Variants in CMIP observed in about 807,000 individuals in gnomAD.
CMIP encodes C-Maf-inducing protein.
Under a neutral mutation model 97.3 loss-of-function variants are expected in CMIP, and 13 were observed. The ratio of observed to expected loss-of-function variants is 0.13; its 90% CI spans 0.09 to 0.21. The LOEUF (loss-of-function observed/expected upper bound fraction) is 0.21. Ranked by LOEUF, CMIP falls within the 10% of genes least tolerant of loss-of-function variation. The pLI, the probability that CMIP is intolerant of heterozygous loss-of-function variation, is 1.00. For missense variants in CMIP, 847 were observed against 1,024.9 expected (o/e 0.83, Z 2.37); for synonymous variants, 538 against 436.3 (o/e 1.23, Z -2.91).
chr16:81,706,273 G>A (rs1037332580), intron 19 of CMIP, among the ~76,000 whole-genome samples: 3 of 152,230 alleles, frequency 2.0e-5, no homozygotes, highest in Non-Finnish European at 4.4e-5. Context: ...AAGGCTTCCC[G>A]GGGAGGTGCT....
chr16:81,508,340 A>G, intron 1 of CMIP, among the ~76,000 whole-genome samples: 1 of 152,212 alleles, frequency 6.6e-6, no homozygotes, highest in Non-Finnish European at 1.5e-5. Context: ...AGACGCAAAT[A>G]CGTACAAATT....
At chr16:81,603,614 G>A (rs569147534) in intron 1 of CMIP, among the ~76,000 whole-genome samples, 7 of 152,098 alleles carry the variant, frequency 4.6e-5, no homozygotes, top group African/African-American at 7.2e-5. Flanking sequence ...TTTCTGTCCC[G>A]GGATCCCATC....
At chr16:81,623,924 C>G (rs4260052) in intron 3 of CMIP, among the ~76,000 whole-genome samples, 19,557 of 152,088 alleles carry the variant, frequency 0.13, 2,972 homozygotes, top group African/African-American at 0.36. Flanking sequence ...GATTTCAATC[C>G]AGATCTGTGG....
At chr16:81,668,973 C>T (rs2092644721) in intron 7 of CMIP, among the ~76,000 whole-genome samples, 1 of 146,922 alleles carries the variant, frequency 6.8e-6, no homozygotes, top group African/African-American at 2.5e-5. Flanking sequence ...CCTCACACTC[C>T]TTCCACACCC....
At chr16:81,450,245 G>T (rs1015741100) in intron 1 of CMIP, among the ~76,000 whole-genome samples, 2 of 152,226 alleles carry the variant, frequency 1.3e-5, no homozygotes, top group African/African-American at 4.8e-5. Flanking sequence ...CAGGGGGTCA[G>T]CTTACACCTT....
At chr16:81,563,936 G>A (rs867055959) in intron 1 of CMIP, among the ~76,000 whole-genome samples, 3 of 152,254 alleles carry the variant, frequency 2.0e-5, no homozygotes, top group African/African-American at 4.8e-5. Context: ...GTCTCCAGCA[G>A]CTGGTGCCTG....
At chr16:81,579,942 A>G (rs1344173807) in intron 1 of CMIP, among the ~76,000 whole-genome samples, 1 of 152,238 alleles carries the variant, frequency 6.6e-6, no homozygotes, top group Non-Finnish European at 1.5e-5. Context: ...CCTGGGCGAC[A>G]GTGCGAGACT....
intron 10 of CMIP, among the ~76,000 whole-genome samples, chr16:81,679,994 C>A (rs977370342): frequency 2.6e-5 from 4 of 152,236 alleles, no homozygotes; most frequent in African/African-American, 9.6e-5. Flanking sequence ...AAGCTCTGCC[C>A]CACTCTCAGG....
chr16:81,652,113 C>T lies in CMIP; in HGVS notation c.478-90C>T. The T allele has an allele frequency of 1.8e-6, 2 of 1,093,454 alleles. No homozygotes were observed. The highest frequency in any genetic ancestry group is 2.7e-6 in the Non-Finnish European group (2 of 735,052). 67.7% of individuals were successfully genotyped at this position (1,093,454 alleles called of 1,614,324 possible). ...TGTCAGTTTCTCAGGGCCCTTTACA[C>T]CCTAACCCATCTGATTCTTTGATTG... On this transcript the variant is annotated intron_variant, in intron 3 of 20. Transcript: ENST00000537098. This position sits in a 1 kb window ranked among gnomAD's most constrained non-coding sequence, Gnocchi z 5.2.
At position 81,678,415 on chromosome 16, in the gene CMIP, T is replaced by A. The variant is rs1288217384; in HGVS notation, c.1175T>A (p.Leu392His). The change falls in exon 10 of 21, where the codon CTC becomes CAC. Residue 392 changes from leucine (L) to histidine (H), a missense_variant. By Grantham distance (99) the Leu-to-His change is moderately conservative. Around this residue, in one of 4 missense-constraint regions of CMIP, gnomAD observed 202 missense variants for 168.7 expected, o/e 1.20. Transcript: ENST00000537098. Reference sequence around the variant, plus strand: ...GAAGCCACGCTGTCTGAGGCCCGGCTCAAGTCGGTGGTCGTGGCCTCCAGT... The same window carrying A: ...GAAGCCACGCTGTCTGAGGCCCGGCACAAGTCGGTGGTCGTGGCCTCCAGT... ...SQEATLSEAR[L>H]KSVVVASSEI... 1 of 1,599,922 alleles carries A rather than the reference T, an allele frequency of 6.3e-7. No individual in the cohort carries two copies. Among genetic ancestry groups the A allele is most frequent in the Admixed American group, 1.7e-5 (1 of 57,964 alleles).
chr16:81,672,700 C>T (rs1216401565), intron 9 of CMIP, among the ~76,000 whole-genome samples: 1 of 152,148 alleles, frequency 6.6e-6, no homozygotes, highest in Non-Finnish European at 1.5e-5. Context: ...CTCAGCCTCC[C>T]GAGTAGCTAG....
chr16:81,691,661 CACTGACT>C (rs974794347), intron 10 of CMIP, 107 bp from the exon 11 acceptor site: 4 of 787,664 alleles, frequency 5.1e-6, no homozygotes, highest in African/African-American at 3.4e-5. Context: ...AAGTCAGTGC[CACTGACT>C]ACCTGCCAGG....
intron 2 of CMIP, among the ~76,000 whole-genome samples, chr16:81,615,443 CTGTATG>C (rs1321552257): frequency 1.7e-5 from 2 of 118,288 alleles, no homozygotes; most frequent in Non-Finnish European, 3.5e-5. Flanking sequence ...ACATTTGTAA[CTGTATG>C]GTGTGTGTGT....
chr16:81,466,291 G>T (rs1012361277), intron 1 of CMIP, among the ~76,000 whole-genome samples: 2 of 152,260 alleles, frequency 1.3e-5, no homozygotes, highest in East Asian at 3.9e-4. Context: ...GAACTCCTGC[G>T]ATCAAGTGAT....
intron 1 of CMIP, among the ~76,000 whole-genome samples, chr16:81,449,896 G>T (rs1028547115): frequency 2.0e-5 from 3 of 152,232 alleles, no homozygotes; most frequent in Admixed American, 1.3e-4. Flanking sequence ...CATTTGCCTG[G>T]TGCAATCTGA....
intron 5 of CMIP, among the ~76,000 whole-genome samples, chr16:81,659,305 C>A (rs1033300382): frequency 3.3e-5 from 5 of 152,024 alleles, no homozygotes; most frequent in African/African-American, 1.2e-4. Context: ...GAGAACCTGG[C>A]AGATCAACAG....
chr16:81,696,579 G>A lies in CMIP; in HGVS notation c.1550G>A (p.Ser517Asn). ...PRQEVHSCLL[S>N]VRAGKDGWFQ... ...TGGCAGGTCCACTCATGCCTGCTGA[G>A]CGTGCGGGCCGGCAAAGATGGCTGG... The change falls in exon 14 of 21, where the codon AGC becomes AAC. Residue 517 changes from serine to asparagine, a missense_variant. Ser to Asn is a conservative substitution (Grantham distance 46, BLOSUM62 1). This residue lies in a region of CMIP where 266 missense variants were observed against 384.2 expected (regional missense o/e 0.69). Transcript: ENST00000537098. 1 of 1,605,684 alleles carries A rather than the reference G, an allele frequency of 6.2e-7. No individual in the cohort carries two copies. The highest frequency in any genetic ancestry group is 8.5e-7 in the Non-Finnish European group (1 of 1,179,790).
rs147859685 is a variant in CMIP, at chr16:81,543,622, C to G, written c.301-63945C>G. 1.0e-3 allele frequency among the ~76,000 whole-genome samples: 157 copies of G among 152,358 alleles called. 1 individual carries two copies. Among genetic ancestry groups the G allele is most frequent in the African/African-American group, 3.7e-3 (152 of 41,580 alleles). ...TTTATCTATGACCATGGGCTAGTCA[C>G]TTCCCCCCGTTCCTCAGTTTCCCCA... On this transcript the variant is annotated intron_variant, in intron 1 of 20. Transcript: ENST00000537098.
chr16:81,683,259 A>G (rs1905054427), intron 10 of CMIP, among the ~76,000 whole-genome samples: 1 of 152,202 alleles, frequency 6.6e-6, no homozygotes, highest in Non-Finnish European at 1.5e-5. Context: ...CCACAGGGGT[A>G]GGACGCGCTT....
Sources: gnomAD v4.1 joint callset for allele counts (sites outside exome capture counted in the v4.1 genomes callset) on GRCh38, gnomAD v4.1.1 for gene constraint, gnomAD v4.1.1 regional missense constraint, Gnocchi (gnomAD v3.1) non-coding constraint, MANE v1.5 for transcripts, NCBI Gene and HGNC (gene_info 2026-07-23, HGNC 2026-07-21) for gene names.